Variants in AUTS2 observed in about 807,000 individuals in gnomAD.
AUTS2 encodes activator of transcription and developmental regulator AUTS2.
AUTS2 carries 17 observed loss-of-function variants against 112.4 expected under a neutral mutation model. The ratio of observed to expected loss-of-function variants is 0.15; its 90% confidence interval spans 0.10 to 0.23. The LOEUF (loss-of-function observed/expected upper bound fraction) is 0.23, where lower values mean the gene tolerates loss of function less well. AUTS2 is among the 10% of genes least tolerant of loss of function. The pLI is 1.00. For missense variants in AUTS2, 1,510 were observed against 1,701.6 expected (o/e 0.89, Z 1.98); for synonymous variants, 751 against 702.7 (o/e 1.07, Z -1.09).
intron 1 of AUTS2, among the ~76,000 whole-genome samples, chr7:69,656,157 G>GT (rs909227747): frequency 2.0e-5 from 3 of 152,202 alleles, no homozygotes; most frequent in Non-Finnish European, 4.4e-5. Flanking sequence ...CTTGGGGCCT[G>GT]TTGGCAAATG....
intron 4 of AUTS2, chr7:70,194,538 G>T (rs1299975095): frequency 2.0e-5 from 3 of 152,148 alleles, no homozygotes; most frequent in Non-Finnish European, 4.4e-5. Flanking sequence ...CAGGAGTATT[G>T]GCCAGAGTTA....
chr7:70,352,946 A>G (rs1791834012), intron 4 of AUTS2, among the ~76,000 whole-genome samples: 1 of 152,200 alleles, frequency 6.6e-6, no homozygotes, highest in East Asian at 1.9e-4. Flanking sequence ...TGGCAAAGAA[A>G]ACAGCATCTG....
intron 5 of AUTS2, among the ~76,000 whole-genome samples, chr7:70,520,207 T>G (rs1228373849): frequency 2.0e-5 from 3 of 152,164 alleles, no homozygotes; most frequent in Non-Finnish European, 4.4e-5. Flanking sequence ...TATCAAGTCT[T>G]GTTCTCTCTC....
At chr7:70,771,757 C>G (rs1790361981) in intron 11 of AUTS2, 113 bp downstream of exon 11, 6 of 813,994 alleles carry the variant, frequency 7.4e-6, no homozygotes, top group Non-Finnish European at 1.2e-5. Context: ...TAATCAGGTC[C>G]TAAGTGACCA....
At chr7:70,225,762 T>C (rs1811732263) in intron 4 of AUTS2, among the ~76,000 whole-genome samples, 1 of 152,224 alleles carries the variant, frequency 6.6e-6, no homozygotes, top group Admixed American at 6.5e-5. Context: ...AAAAAGATTG[T>C]ATTAGGAATT....
At chr7:70,354,338 T>A (rs1043907380) in intron 4 of AUTS2, among the ~76,000 whole-genome samples, 2 of 152,224 alleles carry the variant, frequency 1.3e-5, no homozygotes, top group African/African-American at 4.8e-5. Flanking sequence ...CTAATAGCTT[T>A]CGTAAAACAT....
intron 6 of AUTS2, among the ~76,000 whole-genome samples, chr7:70,736,142 T>G (rs1787770068): frequency 1.3e-5 from 2 of 151,998 alleles, no homozygotes; most frequent in Non-Finnish European, 2.9e-5. Flanking sequence ...ACATAAAAAT[T>G]TAATATATGA....
intron 6 of AUTS2, among the ~76,000 whole-genome samples, chr7:70,721,220 C>G (rs1358832325): frequency 6.6e-6 from 1 of 151,014 alleles, no homozygotes; most frequent in Non-Finnish European, 1.5e-5. Flanking sequence ...TATAGAGGTT[C>G]AAGGAGATGA....
chr7:70,769,852 C>G (rs1284399780), intron 10 of AUTS2, among the ~76,000 whole-genome samples: 1 of 152,052 alleles, frequency 6.6e-6, no homozygotes, highest in Non-Finnish European at 1.5e-5. Flanking sequence ...TGTATTATTA[C>G]TTAGGCGCTT....
chr7:70,698,808 A>T lies in AUTS2; in HGVS notation c.742+188A>T, dbSNP rs528268570. The T allele has an allele frequency of 4.8e-4, 228 of 475,610 alleles. 1 individual carries two copies. Among genetic ancestry groups the T allele is most frequent in the Non-Finnish European group, 7.2e-4 (195 of 272,552 alleles). The allele number at this position is 475,610 out of a possible 1,614,324, so 29.5% of individuals were successfully genotyped here. On this transcript the variant is annotated intron_variant, in intron 6 of 18. Transcript: ENST00000342771. The stretch of plus-strand genomic sequence containing the variant: ...ATGCATTAACATTAACAACCAGTTT[A>T]TTTTAAAAGAATACATTGAGTCCCT...
intron 2 of AUTS2, among the ~76,000 whole-genome samples, chr7:70,101,383 AAG>A (rs926544361): frequency 1.3e-5 from 2 of 149,600 alleles, no homozygotes; most frequent in African/African-American, 2.4e-5. Flanking sequence ...CAAAAAAAAA[AAG>A]AAAAAAAGGG....
intron 2 of AUTS2, among the ~76,000 whole-genome samples, chr7:70,090,078 A>G (rs937445698): frequency 1.3e-5 from 2 of 151,238 alleles, no homozygotes; most frequent in Non-Finnish European, 1.5e-5. Flanking sequence ...ATAGAAATCA[A>G]TTATTTTTAA....
At chr7:70,428,956 T>C (rs1795540273) in intron 4 of AUTS2, among the ~76,000 whole-genome samples, 1 of 152,232 alleles carries the variant, frequency 6.6e-6, no homozygotes, top group South Asian at 2.1e-4. Context: ...ATGAAAAATA[T>C]TTGCTTTTGA....
intron 6 of AUTS2, among the ~76,000 whole-genome samples, chr7:70,759,197 G>A (rs1273521585): frequency 2.0e-5 from 3 of 152,228 alleles, no homozygotes; most frequent in African/African-American, 7.2e-5. Flanking sequence ...AGGCAGCATA[G>A]TATAGATTGG....
intron 1 of AUTS2, among the ~76,000 whole-genome samples, chr7:69,820,229 C>T (rs150629695): frequency 1.7e-3 from 258 of 152,282 alleles, no homozygotes; most frequent in Non-Finnish European, 2.7e-3. Context: ...TAAAAGGCCA[C>T]GAATCCCCCA....
intron 4 of AUTS2, among the ~76,000 whole-genome samples, chr7:70,152,811 A>G (rs900611146): frequency 6.6e-6 from 1 of 152,180 alleles, no homozygotes; most frequent in Non-Finnish European, 1.5e-5. Context: ...GTATATAGTA[A>G]TATATTATTA....
intron 4 of AUTS2, among the ~76,000 whole-genome samples, chr7:70,394,273 A>G (rs1793991225): frequency 6.6e-6 from 1 of 152,212 alleles, no homozygotes; most frequent in South Asian, 2.1e-4. Flanking sequence ...CCTGAGTGCC[A>G]TGGTCTCATG....
intron 5 of AUTS2, among the ~76,000 whole-genome samples, chr7:70,623,563 A>G (rs763064953): frequency 1.3e-5 from 2 of 152,224 alleles, no homozygotes; most frequent in Non-Finnish European, 2.9e-5. Context: ...CACAGTGGTT[A>G]TTGTATCAGA....
At position 70,428,374 on chromosome 7, in the gene AUTS2, C is replaced by T. The variant is rs543819440; in HGVS notation, c.661-7378C>T. On this transcript the variant is annotated intron_variant, in intron 4 of 18. Transcript: ENST00000342771. ...GGGCAGCTGGGCAGGGGATGGTGAA[C>T]GTGTTTTTAGTCACCATGCTGCTAT... is the stretch of plus-strand genomic sequence containing the variant. Among the ~76,000 whole-genome samples, 19 of 152,170 alleles carry T rather than the reference C, an allele frequency of 1.2e-4. No individual in the cohort carries two copies. In the East Asian group the frequency reaches 3.3e-3, roughly 26 times the overall value.
Sources: allele counts gnomAD v4.1 joint callset (sites outside exome capture counted in the v4.1 genomes callset), GRCh38; gene constraint gnomAD v4.1.1; transcripts MANE v1.5; gene names NCBI Gene and HGNC (gene_info 2026-07-23, HGNC 2026-07-21).